The following FN1 variants were observed in gnomAD, a reference collection of about 807,000 sequenced individuals.
The protein encoded by FN1 is fibronectin 1.
A neutral mutation model predicts 297.3 loss-of-function variants in FN1; 106 were observed. The ratio of observed to expected loss-of-function variants is 0.36; its 90% CI spans 0.30 to 0.42. The LOEUF is 0.42. Among genes scored for constraint, FN1 ranks in the 10% least tolerant of loss-of-function variants. FN1 has a pLI of 1.00. For synonymous variants in FN1, 1,149 were observed against 1,152.6 expected (o/e 1.00, Z 0.06); for missense variants, 2,690 against 3,124.9 (o/e 0.86, Z 3.32).
intron 3 of FN1, 34 bp downstream of exon 3, chr2:215,433,290 A>C (rs373524327): frequency 5.9e-4 from 943 of 1,611,400 alleles, no homozygotes; most frequent in Non-Finnish European, 7.4e-4. Context: ...CATATTTGAT[A>C]TTTTGGCATC....
In FN1 at chr2:215,393,074, A is replaced by T; in HGVS notation, c.3926T>A (p.Ile1309Asn). Reference sequence around the variant, plus strand: ...GTCCACAAAATCTTCAAAAATAGGGATACCTTCTCCTGCCGCAACTACTGT... The same window carrying T: ...GTCCACAAAATCTTCAAAAATAGGGTTACCTTCTCCTGCCGCAACTACTGT... ...RITVVAAGEGIPIFEDFVDSS... is the reference protein window; with the variant it reads ...RITVVAAGEGNPIFEDFVDSS... The change falls in exon 25 of 46, where the codon ATC (isoleucine) becomes AAC (asparagine). Residue 1309 changes from isoleucine to asparagine, a missense_variant. By Grantham distance (149) the Ile-to-Asn change is moderately radical. This residue lies in a region of FN1 where 1,743 missense variants were observed against 1,945.2 expected (regional missense o/e 0.90). Transcript: ENST00000354785. 6.2e-7 allele frequency: 1 copy of T among 1,614,046 alleles called. No individual in the cohort carries two copies. Among genetic ancestry groups the T allele is most frequent in the Non-Finnish European group, 8.5e-7 (1 of 1,180,020 alleles).
chr2:215,416,784 G>A (rs1035786383), intron 12 of FN1, among the ~76,000 whole-genome samples: 1 of 152,164 alleles, frequency 6.6e-6, no homozygotes, highest in Admixed American at 6.6e-5. Flanking sequence ...AAGGACACAA[G>A]GAGGAGGATA....
intron 13 of FN1, among the ~76,000 whole-genome samples, chr2:215,412,335 T>C (rs2062775399): frequency 6.6e-6 from 1 of 152,222 alleles, no homozygotes; most frequent in Non-Finnish European, 1.5e-5. Flanking sequence ...ATTATTCTGG[T>C]CTTGCCTCCA....
In FN1 at chr2:215,367,851, G is replaced by A; in HGVS notation, c.7018+12C>T. On this transcript the variant is annotated intron_variant, in intron 42 of 45. Coordinates refer to ENST00000354785, the MANE Select transcript of FN1 (RefSeq NM_212482.4). ...ACAAACACGGAAGTGGATGGACAAAGCAACTACTCACTAGATGAATCACAT... is the reference window on the plus strand; with the variant it reads ...ACAAACACGGAAGTGGATGGACAAAACAACTACTCACTAGATGAATCACAT... The A allele has an allele frequency of 6.2e-7, 1 of 1,613,648 alleles. No individual in the cohort carries two copies. Among genetic ancestry groups the A allele is most frequent in the South Asian group, 1.1e-5 (1 of 91,048 alleles).
intron 9 of FN1, 128 bp from the exon 10 acceptor site, chr2:215,422,371 T>A: frequency 1.1e-6 from 1 of 907,148 alleles, no homozygotes; most frequent in Non-Finnish European, 1.8e-6. Flanking sequence ...TTTGTGTGCA[T>A]CAAAGACATC....
chr2:215,375,435 CA>C (rs753475246), intron 37 of FN1, 42 bp from the exon 38 acceptor site: 1 of 1,572,970 alleles, frequency 6.4e-7, no homozygotes, highest in African/African-American at 1.4e-5. Context: ...GGCAAATAAC[CA>C]AGAAAATTAC....
intron 38 of FN1, 25 bp from the exon 39 acceptor site, chr2:215,373,436 A>G (rs2056629565): frequency 6.3e-7 from 1 of 1,579,482 alleles, no homozygotes. Context: ...GAACCATCAC[A>G]TTATGTCAAT....
rs769185808 is a variant in FN1, at chr2:215,393,124, A to G, written c.3876T>C (p.Ser1292=). The G allele has an allele frequency of 2.5e-6, 4 of 1,614,116 alleles. No homozygotes were observed. The East Asian group carries it at 8.9e-5, about 36-fold the overall frequency. ...TGATGCGGTACCCAATAATGGTGGA[A>G]GAGTTTAGCGGGGTCCACCTCAGGC... The part of the protein sequence containing the change: ...SIGLRWTPLN[S]STIIGYRITV... Residue 1292 remains serine, a synonymous_variant, in exon 25 of 46, where the codon TCT becomes TCC. Transcript: ENST00000354785.
chr2:215,368,055 A>G (rs2106185178), intron 41 of FN1, 28 bp from the exon 42 acceptor site: 1 of 1,612,364 alleles, frequency 6.2e-7, no homozygotes, highest in South Asian at 1.1e-5. Context: ...AAAAAGCAAA[A>G]AGAGACATCT....
intron 40 of FN1, 182 bp from the exon 41 acceptor site, chr2:215,370,614 C>G: frequency 1.6e-6 from 1 of 607,104 alleles, no homozygotes; most frequent in Non-Finnish European, 2.8e-6. Flanking sequence ...AGAAATGGAA[C>G]AAGGATAGGG....
chr2:215,386,958 C>T lies in FN1; in HGVS notation c.4343G>A (p.Gly1448Asp), dbSNP rs1375378581. ...STPLRGRQKTGLDSPTGIDFS... is the reference protein window; with the variant it reads ...STPLRGRQKTDLDSPTGIDFS... Reference sequence around the variant, plus strand: ...GTCAATGCCAGTTGGGGAATCAAGACCTGTTTTTCCCACCCGGGGGAGGAA... The same window carrying T: ...GTCAATGCCAGTTGGGGAATCAAGATCTGTTTTTCCCACCCGGGGGAGGAA... Residue 1448 changes from glycine to aspartate, a missense_variant and splice_region_variant, in exon 28 of 46, where the codon GGT becomes GAT. By Grantham distance (94) the Gly-to-Asp change is moderately conservative. Coordinates refer to ENST00000354785, the MANE Select transcript of FN1 (RefSeq NM_212482.4). The T allele has an allele frequency of 6.2e-7, 1 of 1,610,088 alleles. No individual in the cohort carries two copies. Among genetic ancestry groups the T allele is most frequent in the Non-Finnish European group, 8.5e-7 (1 of 1,178,432 alleles).
rs533359813 is a variant in FN1 at position 215,400,916 on chromosome 2, C to T, written c.3254-1565G>A. Among the ~76,000 whole-genome samples the T allele has an allele frequency of 6.6e-4, 100 of 151,280 alleles. 4 individuals are homozygous for T. The South Asian group carries it at 0.02, about 30-fold the overall frequency. Reference sequence around the variant, plus strand: ...GTTCAAGTGATTCTCCTGCCTCAGACTCCCAAGTAGCTGGGACTACAGTTG... The same window carrying T: ...GTTCAAGTGATTCTCCTGCCTCAGATTCCCAAGTAGCTGGGACTACAGTTG... On this transcript the variant is annotated intron_variant, in intron 20 of 45. Transcript: ENST00000354785.
intron 6 of FN1, 42 bp from the exon 7 acceptor site, chr2:215,425,327 A>G (rs2106451657): frequency 6.3e-7 from 1 of 1,578,926 alleles, no homozygotes; most frequent in East Asian, 2.2e-5. Context: ...TGGGTGAGAG[A>G]AGACAATTCA....
In FN1 at chr2:215,397,736, T is replaced by A; in HGVS notation, c.3461A>T (p.Gln1154Leu). The change falls in exon 22 of 46, where the codon CAA becomes CTA. Residue 1154 changes from glutamine to leucine, a missense_variant. By Grantham distance (113) the Gln-to-Leu change is moderately radical. This residue lies in a region of FN1 where 1,743 missense variants were observed against 1,945.2 expected (regional missense o/e 0.90). Coordinates refer to ENST00000354785, the MANE Select transcript of FN1 (RefSeq NM_212482.4). ...TCTTTCCTGTCCATCTCTCAGGACT[T>A]GGATGGTGTAGACGTATTCTACTCC... is the stretch of plus-strand genomic sequence containing the variant. Reference protein sequence around the residue: ...TPGVEYVYTIQVLRDGQERDA... With the variant: ...TPGVEYVYTILVLRDGQERDA... The A allele has an allele frequency of 6.2e-7, 1 of 1,614,056 alleles. No homozygotes were observed. Among genetic ancestry groups the A allele is most frequent in the Non-Finnish European group, 8.5e-7 (1 of 1,179,896 alleles).
intron 12 of FN1, among the ~76,000 whole-genome samples, chr2:215,418,011 TAAAC>T (rs979891705): frequency 2.0e-5 from 3 of 152,200 alleles, no homozygotes; most frequent in Non-Finnish European, 2.9e-5. Context: ...TTGCATCATA[TAAAC>T]AAACAAACCA....
intron 6 of FN1, among the ~76,000 whole-genome samples, chr2:215,426,485 A>G (rs1256208813): frequency 6.6e-6 from 1 of 151,572 alleles, no homozygotes; most frequent in Non-Finnish European, 1.5e-5. Context: ...TGTTCTCTTG[A>G]AGGCCAGGGC....
intron 1 of FN1, among the ~76,000 whole-genome samples, chr2:215,435,192 G>C (rs567026245): frequency 2.6e-4 from 39 of 152,248 alleles, no homozygotes; most frequent in African/African-American, 9.4e-4. Context: ...AAAGAGGTCT[G>C]AACCAATTAC....
chr2:215,397,239 A>G lies in FN1; in HGVS notation c.3518-16T>C, dbSNP rs561550362. 1.1e-5 allele frequency: 17 copies of G among 1,588,874 alleles called. No homozygotes were observed. The highest frequency in any genetic ancestry group is 2.2e-5 in the East Asian group (1 of 44,760). ...GGAGACAATGCTATGCAGAAAGAACATTTTAAAAGTCAAAGCTGACACAAA... is the reference window on the plus strand; with the variant it reads ...GGAGACAATGCTATGCAGAAAGAACGTTTTAAAAGTCAAAGCTGACACAAA... On this transcript the variant is annotated splice_polypyrimidine_tract_variant and intron_variant, in intron 22 of 45. Coordinates refer to ENST00000354785, the MANE Select transcript of FN1 (RefSeq NM_212482.4).
At position 215,408,335 on chromosome 2, in the gene FN1, C is replaced by T. The variant is rs1322522113; in HGVS notation, c.2391G>A (p.Gly797=). Residue 797 remains glycine (G), a synonymous_variant, in exon 16 of 46, where the codon GGG becomes GGA. Transcript: ENST00000354785. The part of the protein sequence containing the change: ...IVNVYQISED[G]EQSLILSTSQ... ...AAGTAGACAGGATCAAACTCTGCTC[C>T]CCATCCTCAGATATCTGATAGACAT... is the stretch of plus-strand genomic sequence containing the variant. 1 of 1,614,068 alleles carries T rather than the reference C, an allele frequency of 6.2e-7. No homozygotes were observed. The highest frequency in any genetic ancestry group is 1.7e-5 in the Admixed American group (1 of 60,014).
Sources: gnomAD v4.1 joint callset for allele counts (sites outside exome capture counted in the v4.1 genomes callset) on GRCh38, gnomAD v4.1.1 for gene constraint, gnomAD v4.1.1 regional missense constraint, MANE v1.5 for transcripts, NCBI Gene and HGNC (gene_info 2026-07-23, HGNC 2026-07-21) for gene names.